The following CNTN4 variants were observed in gnomAD, a reference collection of about 807,000 sequenced individuals.
CNTN4 encodes contactin-4.
In CNTN4, 77 loss-of-function variants were observed where a neutral mutation model predicts 122.5. The ratio of observed to expected loss-of-function variants is 0.63; its 90% CI spans 0.52 to 0.76. The LOEUF is 0.76. Ranked by LOEUF, CNTN4 falls within the 30% of genes least tolerant of loss-of-function variation. The pLI, the probability that CNTN4 is intolerant of heterozygous loss-of-function variation, is 0.00. For missense variants in CNTN4, 1,256 were observed against 1,259.1 expected (o/e 1.00, Z 0.04); for synonymous variants, 512 against 447.0 (o/e 1.15, Z -1.83).
At chr3:2,120,950 G>A (rs1012548168) in intron 2 of CNTN4, among the ~76,000 whole-genome samples, 1 of 152,094 alleles carries the variant, frequency 6.6e-6, no homozygotes, top group Non-Finnish European at 1.5e-5. Context: ...CTGGGTCCTA[G>A]ATGAGAAAAC....
chr3:2,456,886 G>T (rs1475460060), intron 3 of CNTN4, among the ~76,000 whole-genome samples: 1 of 152,070 alleles, frequency 6.6e-6, no homozygotes, highest in East Asian at 1.9e-4. Flanking sequence ...AGCTACATCT[G>T]TTTTTGGCAT....
At chr3:2,418,076 A>G (rs2151085933) in intron 3 of CNTN4, among the ~76,000 whole-genome samples, 1 of 152,326 alleles carries the variant, frequency 6.6e-6, no homozygotes, top group South Asian at 2.1e-4. Flanking sequence ...ACATGTTATT[A>G]CAAATTTTTC....
intron 2 of CNTN4, among the ~76,000 whole-genome samples, chr3:2,186,021 G>A (rs2037239000): frequency 6.6e-6 from 1 of 151,910 alleles, no homozygotes. Flanking sequence ...ATGTTGCTGT[G>A]CTGCACCCAT....
intron 3 of CNTN4, among the ~76,000 whole-genome samples, chr3:2,345,256 A>AT (rs568750014): frequency 3.0e-4 from 46 of 151,584 alleles, no homozygotes; most frequent in South Asian, 1.5e-3. Context: ...CATTTTTATG[A>AT]TTTTTTTTTA....
chr3:2,621,939 T>C (rs1246784346), intron 4 of CNTN4, among the ~76,000 whole-genome samples: 1 of 152,180 alleles, frequency 6.6e-6, no homozygotes, highest in Non-Finnish European at 1.5e-5. Flanking sequence ...TGTGCTGTCA[T>C]GCTGCTTCTT....
intron 4 of CNTN4, among the ~76,000 whole-genome samples, chr3:2,617,109 AGCAACG>A (rs1217362475): frequency 1.3e-5 from 2 of 152,240 alleles, no homozygotes; most frequent in African/African-American, 4.8e-5. Flanking sequence ...CAATGCCAAA[AGCAACG>A]GCAACAAAAG....
chr3:2,410,592 T>C lies in CNTN4; in HGVS notation c.-89+71359T>C, dbSNP rs552138282. 7.6e-4 allele frequency among the ~76,000 whole-genome samples: 116 copies of C among 152,326 alleles called. 1 individual carries two copies. The highest frequency in any genetic ancestry group is 2.7e-3 in the Admixed American group (41 of 15,300). On this transcript the variant is annotated intron_variant, in intron 3 of 24. Transcript: ENST00000418658. ...CTGTCTCATAACCTCATATATTGTA[T>C]AGCCCATTTCATTGCTGGTGGTCAA... is the stretch of plus-strand genomic sequence containing the variant.
At chr3:2,241,868 G>T (rs764761644) in intron 2 of CNTN4, among the ~76,000 whole-genome samples, 1 of 152,046 alleles carries the variant, frequency 6.6e-6, no homozygotes, top group African/African-American at 2.4e-5. Context: ...TTGTGTTTGC[G>T]GTGGGTGGGC....
intron 10 of CNTN4, among the ~76,000 whole-genome samples, chr3:2,893,802 G>C (rs1446031837): frequency 1.3e-5 from 2 of 152,082 alleles, no homozygotes; most frequent in African/African-American, 4.8e-5. Flanking sequence ...ACTTATAGGA[G>C]GTTTTGCTTA....
intron 3 of CNTN4, among the ~76,000 whole-genome samples, chr3:2,485,058 A>C (rs1009950729): frequency 1.3e-5 from 2 of 152,202 alleles, no homozygotes; most frequent in African/African-American, 4.8e-5. Flanking sequence ...CCTGGCCAGC[A>C]GCTGCAGAGG....
chr3:2,208,793 G>C (rs549723834), intron 2 of CNTN4, among the ~76,000 whole-genome samples: 7 of 152,238 alleles, frequency 4.6e-5, no homozygotes, highest in African/African-American at 1.2e-4. Flanking sequence ...ACTGAGACAA[G>C]ACCCTCTACC....
At chr3:2,602,555 G>C (rs1381958425) in intron 4 of CNTN4, among the ~76,000 whole-genome samples, 1 of 152,096 alleles carries the variant, frequency 6.6e-6, no homozygotes, top group African/African-American at 2.4e-5. Flanking sequence ...CCTCTTCAAG[G>C]AGAACTACAA....
Position 3,031,111 on chromosome 3 carries a change from A to G in CNTN4, c.1783+136A>G, listed in dbSNP as rs562609280. 597 of 1,147,064 alleles carry G rather than the reference A, an allele frequency of 5.2e-4. 3 individuals are homozygous for G. The African/African-American group carries it at 7.1e-3, about 14-fold the overall frequency. 71.1% of individuals were successfully genotyped at this position (1,147,064 alleles called of 1,614,324 possible). Reference sequence around the variant, plus strand: ...AAGCTGAACATTGTAAACAGTGGCTAACAGTCCACAGAAGTTTCTGGTTCA... The same window carrying G: ...AAGCTGAACATTGTAAACAGTGGCTGACAGTCCACAGAAGTTTCTGGTTCA... On this transcript the variant is annotated intron_variant, in intron 16 of 24. Coordinates refer to ENST00000418658, the MANE Select transcript of CNTN4 (RefSeq NM_175607.3).
At chr3:2,587,179 A>C (rs2080240324) in intron 4 of CNTN4, among the ~76,000 whole-genome samples, 1 of 152,200 alleles carries the variant, frequency 6.6e-6, no homozygotes, top group Non-Finnish European at 1.5e-5. Flanking sequence ...GAAATTCTCT[A>C]ACAAAGTCTT....
intron 4 of CNTN4, among the ~76,000 whole-genome samples, chr3:2,626,496 C>CAAAAAAAAAAAAAAAAAAAAAAAAAAAA (rs35668647): frequency 6.9e-6 from 1 of 143,968 alleles, no homozygotes; most frequent in Admixed American, 7.3e-5. Flanking sequence ...GACTCTATCT[C>CAAAAAAAAAAAAAAAAAAAAAAAAAAAA]AAAAAAAAAA....
At chr3:2,729,253 T>C (rs537591486) in intron 4 of CNTN4, among the ~76,000 whole-genome samples, 5 of 152,250 alleles carry the variant, frequency 3.3e-5, no homozygotes, top group African/African-American at 1.2e-4. Context: ...TTTTCTTCAC[T>C]GGGATCCTAA....
intron 13 of CNTN4, among the ~76,000 whole-genome samples, chr3:2,977,058 G>C (rs775122548): frequency 6.6e-6 from 1 of 152,142 alleles, no homozygotes; most frequent in Non-Finnish European, 1.5e-5. Flanking sequence ...CCTGTTGATA[G>C]GTTGAATATA....
At chr3:2,275,885 A>C (rs1271758456) in intron 2 of CNTN4, among the ~76,000 whole-genome samples, 2 of 144,606 alleles carry the variant, frequency 1.4e-5, no homozygotes, top group African/African-American at 2.6e-5. Context: ...GTGCCACTGC[A>C]CTCCAGTCTA....
chr3:2,506,823 A>C (rs1048442289), intron 3 of CNTN4, among the ~76,000 whole-genome samples: 1 of 152,146 alleles, frequency 6.6e-6, no homozygotes, highest in Non-Finnish European at 1.5e-5. Flanking sequence ...AGGGAGTGCA[A>C]GAGAGGCTGG....
Sources: gnomAD v4.1 joint callset for allele counts (sites outside exome capture counted in the v4.1 genomes callset) on GRCh38, gnomAD v4.1.1 for gene constraint, MANE v1.5 for transcripts, NCBI Gene and HGNC (gene_info 2026-07-23, HGNC 2026-07-21) for gene names.